Variants in CNTNAP3 observed in about 807,000 individuals in gnomAD.
The protein encoded by CNTNAP3 is contactin associated protein family member 3.
Under a neutral mutation model 92.1 loss-of-function variants are expected in CNTNAP3, and 36 were observed. The observed-to-expected ratio is 0.39, with a 90% CI of 0.30 to 0.52. The LOEUF is 0.52. Among genes scored for constraint, CNTNAP3 ranks in the 20% least tolerant of loss-of-function variants. The pLI is 0.76. For synonymous variants in CNTNAP3, 232 were observed against 422.3 expected (o/e 0.55, Z 5.53); for missense variants, 534 against 1,069.6 (o/e 0.50, Z 6.98).
chr9:39,136,402 A>G (rs930888003), intron 12 of CNTNAP3, among the ~76,000 whole-genome samples: 4 of 152,108 alleles, frequency 2.6e-5, no homozygotes, highest in African/African-American at 7.2e-5. Flanking sequence ...TATCTCTTTT[A>G]GAGAACTGAC....
At chr9:39,253,014 T>TACACACACACACAC (rs1178975952) in intron 2 of CNTNAP3, among the ~76,000 whole-genome samples, 1 of 3,614 alleles carries the variant, frequency 2.8e-4, no homozygotes, top group African/African-American at 3.0e-4. Context: ...CAACTGAATA[T>TACACACACACACAC]ACACACACAC....
intron 13 of CNTNAP3, among the ~76,000 whole-genome samples, chr9:39,121,211 T>C (rs1821011337): frequency 6.6e-6 from 1 of 150,952 alleles, no homozygotes; most frequent in Admixed American, 6.6e-5. Context: ...AGTAAAAGGA[T>C]GGAAAAAATA....
chr9:39,148,822 G>C (rs1278993028), intron 10 of CNTNAP3, among the ~76,000 whole-genome samples: 3 of 152,170 alleles, frequency 2.0e-5, no homozygotes, highest in African/African-American at 7.2e-5. Context: ...ACGGCGCCGG[G>C]CCAGATTATC....
rs529211909 is a variant in CNTNAP3, at chr9:39,093,897, C to T, written c.2996-5250G>A. Among the ~76,000 whole-genome samples the T allele has an allele frequency of 7.3e-5, 11 of 151,102 alleles. No homozygotes were observed. In the South Asian group the frequency reaches 1.5e-3, roughly 20 times the overall value. On this transcript the variant is annotated intron_variant, in intron 18 of 23. Transcript: ENST00000297668. ...TATGTAGAAGTGGAATTGCTGGGTT[C>T]GAAGGTAATTCTATGTTTAACTACT...
At chr9:39,124,102 G>T (rs369849868) in intron 13 of CNTNAP3, among the ~76,000 whole-genome samples, 4,988 of 151,936 alleles carry the variant, frequency 0.033, 218 homozygotes, top group African/African-American at 0.1. Context: ...GGTGATTATG[G>T]CTTATGAATA....
intron 13 of CNTNAP3, among the ~76,000 whole-genome samples, 189 bp from the exon 14 acceptor site, chr9:39,118,448 C>T (rs552236248): frequency 6.6e-6 from 1 of 152,160 alleles, no homozygotes; most frequent in East Asian, 1.9e-4. Context: ...GTTTTTCCCC[C>T]AATATTTCAA....
intron 21 of CNTNAP3, among the ~76,000 whole-genome samples, chr9:39,083,858 AG>A: frequency 6.6e-6 from 1 of 151,812 alleles, no homozygotes; most frequent in East Asian, 1.9e-4. Context: ...AAATCTAAAA[AG>A]CTTATATTTA....
chr9:39,083,001 C>G (rs1464594587), intron 21 of CNTNAP3, among the ~76,000 whole-genome samples: 1 of 152,014 alleles, frequency 6.6e-6, no homozygotes, highest in Non-Finnish European at 1.5e-5. Flanking sequence ...AACATTTCTT[C>G]TAAATGAGAC....
At chr9:39,081,604 T>TG (rs1206620325) in intron 21 of CNTNAP3, among the ~76,000 whole-genome samples, 5 of 151,044 alleles carry the variant, frequency 3.3e-5, no homozygotes, top group East Asian at 2.0e-4. Context: ...CTTGACGTTG[T>TG]GGGAAAAAAA....
chr9:39,094,316 T>C (rs1241809203), intron 18 of CNTNAP3, among the ~76,000 whole-genome samples: 3 of 151,600 alleles, frequency 2.0e-5, no homozygotes, highest in Non-Finnish European at 4.4e-5. Context: ...GATTGTCTTT[T>C]TACTCTCTTG....
intron 18 of CNTNAP3, among the ~76,000 whole-genome samples, chr9:39,091,576 T>A (rs1232338003): frequency 2.6e-5 from 4 of 152,022 alleles, no homozygotes; most frequent in Admixed American, 6.5e-5. Flanking sequence ...GTCATTTTTA[T>A]ATGTGACTGG....
At chr9:39,123,195 T>C (rs28452580) in intron 13 of CNTNAP3, among the ~76,000 whole-genome samples, 2,551 of 149,988 alleles carry the variant, frequency 0.017, 74 homozygotes, top group Non-Finnish European at 0.018. Context: ...CCTGGGTTCA[T>C]GCCATTCTCC....
intron 9 of CNTNAP3, chr9:39,159,351 A>G (rs1262205870): frequency 1.4e-5 from 2 of 138,582 alleles, no homozygotes; most frequent in African/African-American, 5.4e-5. Context: ...GGTCATATAT[A>G]TATATTTTAA....
chr9:39,115,843 A>G (rs536783140), intron 14 of CNTNAP3, among the ~76,000 whole-genome samples: 32 of 151,756 alleles, frequency 2.1e-4, no homozygotes, highest in African/African-American at 2.4e-5. Flanking sequence ...GGGTCACTCA[A>G]TACAGGTGGC....
At chr9:39,092,574 T>C in intron 18 of CNTNAP3, among the ~76,000 whole-genome samples, 1 of 137,674 alleles carries the variant, frequency 7.3e-6, no homozygotes, top group Non-Finnish European at 1.6e-5. Flanking sequence ...TCATTGTGTT[T>C]TAAAAAGACC....
rs1301184633 is a variant in CNTNAP3 at position 39,066,315 on chromosome 9, C to T, written c.*7575G>A. Among the ~76,000 whole-genome samples the T allele has an allele frequency of 2.6e-5, 4 of 152,268 alleles. No individual in the cohort carries two copies. The highest frequency in any genetic ancestry group is 2.1e-4 in the South Asian group (1 of 4,830). ...ATTGTTGTCATATATTTTACTTTTA[C>T]TCATGCTGCAGAACTCACATGACAC... On this transcript the variant is annotated 3_prime_UTR_variant, in exon 24 of 24. Transcript: ENST00000297668.
chr9:39,134,892 T>G (rs548482456), intron 12 of CNTNAP3, among the ~76,000 whole-genome samples: 40 of 152,334 alleles, frequency 2.6e-4, no homozygotes, highest in Non-Finnish European at 1.5e-5. Context: ...TGTTCATGAT[T>G]TGTTGTACAA....
chr9:39,150,120 A>G (rs1161646569), intron 9 of CNTNAP3, 143 bp from the exon 10 acceptor site: 1 of 624,426 alleles, frequency 1.6e-6, no homozygotes, highest in African/African-American at 1.9e-5. Context: ...TAGAGAGGTG[A>G]GAAGGGGCAA....
rs1563895878 is a variant in CNTNAP3, at chr9:39,159,413, T to TA, written c.1477+6519_1477+6520insT. On this transcript the variant is annotated intron_variant, in intron 9 of 23. Coordinates refer to ENST00000297668, the MANE Select transcript of CNTNAP3 (RefSeq NM_033655.5). ...AAAAACATTTTATATATATATATAT[T>TA]TTTTTTTCCAGTGATTATCCTGCCT... 54 of 127,774 alleles carry TA rather than the reference T, an allele frequency of 4.2e-4. 3 individuals carry two copies. The highest frequency in any genetic ancestry group is 1.2e-3 in the Admixed American group (16 of 12,884). The allele number at this position is 127,774 out of a possible 1,614,324, so 7.9% of individuals were successfully genotyped here.
Sources: allele counts gnomAD v4.1 joint callset (sites outside exome capture counted in the v4.1 genomes callset), GRCh38; gene constraint gnomAD v4.1.1; transcripts MANE v1.5; gene names NCBI Gene and HGNC (gene_info 2026-07-23, HGNC 2026-07-21).